The following GRB14 variants were observed in gnomAD, a reference collection of about 807,000 sequenced individuals.
GRB14 encodes growth factor receptor bound protein 14.
A neutral mutation model predicts 69.1 loss-of-function variants in GRB14; 38 were observed. The ratio of observed to expected loss-of-function variants is 0.55; its 90% CI spans 0.42 to 0.72. The LOEUF is 0.72. GRB14 is among the 30% of genes least tolerant of loss of function. GRB14 has a pLI of 0.00. For synonymous variants in GRB14, 247 were observed against 241.3 expected (o/e 1.02, Z -0.22); for missense variants, 666 against 666.1 (o/e 1.00, Z 0.00).
intron 2 of GRB14, among the ~76,000 whole-genome samples, chr2:164,588,964 A>G (rs969758293): frequency 3.4e-4 from 52 of 152,232 alleles, no homozygotes; most frequent in African/African-American, 1.2e-3. Flanking sequence ...ATTCGGAGAA[A>G]GAATTCCAAA....
At chr2:164,612,736 T>C (rs1406397776) in intron 2 of GRB14, among the ~76,000 whole-genome samples, 1 of 152,176 alleles carries the variant, frequency 6.6e-6, no homozygotes, top group Non-Finnish European at 1.5e-5. Context: ...ATGACTCCAA[T>C]TTTCTTTCTC....
chr2:164,592,817 A>G lies in GRB14; in HGVS notation c.324+26870T>C, dbSNP rs763996832. ...CCTCAGTTTATGAAAGTTGTTCTAC[A>G]TAACCACCTCCATGTCTCTTATTTC... is the stretch of plus-strand genomic sequence containing the variant. On this transcript the variant is annotated intron_variant, in intron 2 of 13. Transcript: ENST00000263915. Among the ~76,000 whole-genome samples, 72 of 152,324 alleles carry G rather than the reference A, an allele frequency of 4.7e-4. 1 individual carries two copies. Among genetic ancestry groups the G allele is most frequent in the Non-Finnish European group, 5.7e-4 (39 of 68,030 alleles).
chr2:164,616,181 T>C (rs1200772320), intron 2 of GRB14, among the ~76,000 whole-genome samples: 1 of 151,972 alleles, frequency 6.6e-6, no homozygotes, highest in Non-Finnish European at 1.5e-5. Context: ...TCCCAGCACT[T>C]TGGGAGGCCA....
intron 2 of GRB14, among the ~76,000 whole-genome samples, chr2:164,603,237 T>C (rs2105353908): frequency 6.8e-6 from 1 of 147,360 alleles, no homozygotes; most frequent in South Asian, 2.1e-4. Context: ...TAAAAAGCTT[T>C]GGGAAAAGAA....
At chr2:164,570,275 T>TAAAAAAAAAAA (rs35918859) in intron 2 of GRB14, among the ~76,000 whole-genome samples, 1 of 57,210 alleles carries the variant, frequency 1.7e-5, no homozygotes, top group African/African-American at 6.7e-5. Context: ...AGACTCCATC[T>TAAAAAAAAAAA]AAAAAAAAAA....
chr2:164,614,716 G>T (rs1301138243), intron 2 of GRB14, among the ~76,000 whole-genome samples: 2 of 152,080 alleles, frequency 1.3e-5, no homozygotes, highest in Admixed American at 6.6e-5. Flanking sequence ...ATGTACATGG[G>T]TTTCTCTTCT....
In GRB14 at chr2:164,492,586, G is replaced by A. The variant is rs1686784899; in HGVS notation, c.*450C>T. 6.7e-6 allele frequency among the ~76,000 whole-genome samples: 1 copy of A among 149,250 alleles called. No individual in the cohort carries two copies. Among genetic ancestry groups the A allele is most frequent in the South Asian group, 2.1e-4 (1 of 4,732 alleles). On this transcript the variant is annotated 3_prime_UTR_variant, in exon 14 of 14. Coordinates refer to ENST00000263915, the MANE Select transcript of GRB14 (RefSeq NM_004490.3). ...GTTTTTAGTTTCATTAACAGGTTGT[G>A]GATAGTTTCTTTTAATTGATAAGTT...
At chr2:164,562,790 C>T (rs1375765991) in intron 2 of GRB14, among the ~76,000 whole-genome samples, 1 of 152,198 alleles carries the variant, frequency 6.6e-6, no homozygotes, top group Non-Finnish European at 1.5e-5. Flanking sequence ...AGAATGCTCC[C>T]AAAGCCAGGG....
chr2:164,618,682 A>G (rs1252872299), intron 2 of GRB14, among the ~76,000 whole-genome samples: 2 of 152,242 alleles, frequency 1.3e-5, no homozygotes, highest in Admixed American at 1.3e-4. Flanking sequence ...TCTGTATATG[A>G]TCAATAATTC....
chr2:164,621,440 G>C lies in GRB14; in HGVS notation c.-131C>G. 1 of 705,990 alleles carries C rather than the reference G, an allele frequency of 1.4e-6. No homozygotes were observed. Among genetic ancestry groups the C allele is most frequent in the Non-Finnish European group, 2.0e-6 (1 of 511,192 alleles). The allele number at this position is 705,990 out of a possible 1,614,324, so 43.7% of individuals were successfully genotyped here. ...CAGGTGTGGTGGCCTCGCCGCCTGC[G>C]CTCGGGGCCCCGGCGGCTGAGACGC... is the stretch of plus-strand genomic sequence containing the variant. On this transcript the variant is annotated 5_prime_UTR_variant, in exon 1 of 14. Coordinates refer to ENST00000263915, the MANE Select transcript of GRB14 (RefSeq NM_004490.3). The surrounding 1 kb of genome is among the most constrained non-coding windows in gnomAD (Gnocchi z 6.0).
Position 164,545,517 on chromosome 2 carries a change from G to A in GRB14, c.481+2143C>T, listed in dbSNP as rs543357021. 7.2e-5 allele frequency among the ~76,000 whole-genome samples: 11 copies of A among 152,294 alleles called. No homozygotes were observed. The South Asian group carries it at 2.3e-3, about 32-fold the overall frequency. ...AGCCAACAAATGCTGGCAGCCACCA[G>A]AGCTGGAAGAGGCAAGAAATTAGAG... On this transcript the variant is annotated intron_variant, in intron 3 of 13. Coordinates refer to ENST00000263915, the MANE Select transcript of GRB14 (RefSeq NM_004490.3).
At chr2:164,525,419 C>T (rs1687745909) in intron 4 of GRB14, among the ~76,000 whole-genome samples, 1 of 152,020 alleles carries the variant, frequency 6.6e-6, no homozygotes, top group Non-Finnish European at 1.5e-5. Flanking sequence ...AAGGACTATC[C>T]ATGACATTTT....
At chr2:164,529,249 G>T (rs1687860257) in intron 3 of GRB14, among the ~76,000 whole-genome samples, 1 of 152,160 alleles carries the variant, frequency 6.6e-6, no homozygotes, top group Non-Finnish European at 1.5e-5. Flanking sequence ...GCTGCCAGGG[G>T]TAGGAGGGAG....
intron 6 of GRB14, among the ~76,000 whole-genome samples, chr2:164,519,659 G>A (rs762416773): frequency 3.9e-5 from 6 of 152,038 alleles, no homozygotes; most frequent in Non-Finnish European, 8.8e-5. Flanking sequence ...ATTAAGCAAA[G>A]TTTCAGCATA....
intron 2 of GRB14, among the ~76,000 whole-genome samples, chr2:164,590,860 C>T (rs1339423887): frequency 6.6e-6 from 1 of 152,088 alleles, no homozygotes; most frequent in East Asian, 1.9e-4. Context: ...TGCACTGGTC[C>T]CGCTATTCTA....
At chr2:164,603,066 G>A (rs997435983) in intron 2 of GRB14, among the ~76,000 whole-genome samples, 1 of 152,126 alleles carries the variant, frequency 6.6e-6, no homozygotes, top group African/African-American at 2.4e-5. Flanking sequence ...GATTAGAGAG[G>A]TGGTCCAGCT....
intron 2 of GRB14, among the ~76,000 whole-genome samples, chr2:164,610,859 A>G (rs1362041763): frequency 6.9e-6 from 1 of 145,908 alleles, no homozygotes; most frequent in African/African-American, 2.5e-5. Context: ...GAGAAATGTG[A>G]TGGGAAAAAA....
intron 2 of GRB14, among the ~76,000 whole-genome samples, chr2:164,592,247 G>C (rs536747589): frequency 6.6e-6 from 1 of 151,872 alleles, no homozygotes; most frequent in African/African-American, 2.4e-5. Context: ...CCATTCTCCC[G>C]CCTCAGCCTT....
intron 2 of GRB14, among the ~76,000 whole-genome samples, chr2:164,571,100 T>C (rs1689112864): frequency 6.6e-6 from 1 of 152,252 alleles, no homozygotes; most frequent in Admixed American, 6.5e-5. Context: ...CATTTTTCTG[T>C]AATCCTTTGC....
Sources: gnomAD v4.1 joint callset for allele counts (sites outside exome capture counted in the v4.1 genomes callset) on GRCh38, gnomAD v4.1.1 for gene constraint, Gnocchi (gnomAD v3.1) non-coding constraint, MANE v1.5 for transcripts, NCBI Gene and HGNC (gene_info 2026-07-23, HGNC 2026-07-21) for gene names.